WDR59: variants seen among roughly 807,000 people sequenced by gnomAD.
WDR59 encodes WD repeat domain 59.
In WDR59, 100 loss-of-function variants were observed where a neutral mutation model predicts 131.2. That is an observed-to-expected ratio of 0.76 (90% CI 0.65 to 0.90). The LOEUF is 0.90. WDR59 is among the 40% of genes least tolerant of loss of function. WDR59 has a pLI of 0.00. For missense variants in WDR59, 1,203 were observed against 1,262.2 expected (o/e 0.95, Z 0.71); for synonymous variants, 601 against 466.2 (o/e 1.29, Z -3.72).
intron 18 of WDR59, among the ~76,000 whole-genome samples, chr16:74,894,715 C>G (rs1475542307): frequency 1.3e-5 from 2 of 152,134 alleles, no homozygotes; most frequent in Admixed American, 6.5e-5. Context: ...ATCAAGATTT[C>G]CAGGTCTTAC....
intron 6 of WDR59, among the ~76,000 whole-genome samples, chr16:74,944,818 T>C (rs1209195801): frequency 6.6e-6 from 1 of 151,662 alleles, no homozygotes; most frequent in East Asian, 1.9e-4. Context: ...AAAAAAGCAA[T>C]GAGAACAGGC....
intron 9 of WDR59, 52 bp from the exon 10 acceptor site, chr16:74,922,155 G>C: frequency 1.2e-6 from 2 of 1,600,148 alleles, no homozygotes; most frequent in Non-Finnish European, 1.7e-6. Context: ...GGGAGAATCA[G>C]CTGAGTCTTG....
At chr16:74,922,734 C>T (rs529837253) in intron 9 of WDR59, among the ~76,000 whole-genome samples, 1 of 152,318 alleles carries the variant, frequency 6.6e-6, no homozygotes, top group African/African-American at 2.4e-5. Context: ...CATTTATCTT[C>T]ACCGCCCCTC....
intron 7 of WDR59, among the ~76,000 whole-genome samples, chr16:74,941,542 A>T (rs1446805379): frequency 6.7e-6 from 1 of 150,262 alleles, no homozygotes; most frequent in Non-Finnish European, 1.5e-5. Context: ...AAAAATACAA[A>T]AATTAGCTGG....
intron 4 of WDR59, chr16:74,950,067 C>G (rs1433151030): frequency 1.5e-5 from 7 of 468,046 alleles, no homozygotes; most frequent in South Asian, 1.1e-4. Flanking sequence ...CTGGGCTGAG[C>G]GCAGCGGCTC....
chr16:74,979,341 C>T (rs1269474954), intron 1 of WDR59, among the ~76,000 whole-genome samples: 1 of 151,698 alleles, frequency 6.6e-6, no homozygotes, highest in East Asian at 2.0e-4. Context: ...TGGCGGGCGC[C>T]TGTAGTCCCA....
At chr16:74,933,098 TA>T (rs1383863553) in intron 8 of WDR59, among the ~76,000 whole-genome samples, 2 of 152,030 alleles carry the variant, frequency 1.3e-5, no homozygotes, top group African/African-American at 4.8e-5. Context: ...GGAATAAAAT[TA>T]AAATGCCAGC....
intron 8 of WDR59, among the ~76,000 whole-genome samples, chr16:74,935,996 CAAAA>C (rs879688847): frequency 9.4e-6 from 1 of 106,036 alleles, no homozygotes; most frequent in Non-Finnish European, 2.0e-5. Context: ...GACTCCACCT[CAAAA>C]AAAAAAAAAA....
intron 8 of WDR59, 96 bp from the exon 9 acceptor site, chr16:74,924,099 CT>C: frequency 1.7e-6 from 2 of 1,196,604 alleles, no homozygotes; most frequent in Non-Finnish European, 1.2e-6. Context: ...TTCTGGTCCT[CT>C]AAAGATACAC....
At chr16:74,905,147 G>A (rs1241218333) in intron 17 of WDR59, among the ~76,000 whole-genome samples, 9 of 149,892 alleles carry the variant, frequency 6.0e-5, no homozygotes, top group African/African-American at 1.5e-4. Context: ...AGGCCAAGGC[G>A]GGCAGATTAC....
intron 1 of WDR59, among the ~76,000 whole-genome samples, chr16:74,975,660 G>A (rs1438573678): frequency 4.8e-5 from 7 of 145,276 alleles, no homozygotes; most frequent in Non-Finnish European, 7.5e-5. Flanking sequence ...GTGAAACTCC[G>A]TCTCAAAAAA....
intron 20 of WDR59, among the ~76,000 whole-genome samples, chr16:74,890,602 C>G (rs1305199955): frequency 6.6e-6 from 1 of 152,166 alleles, no homozygotes; most frequent in Non-Finnish European, 1.5e-5. Flanking sequence ...AGTATCCTCT[C>G]TGAAGCTAAA....
chr16:74,985,069 T>TCC lies in WDR59; in HGVS notation c.-54_-53dup. ...AGGACGGCGCCCTCCCACCCCGCCG[T>TCC]CCCCAGTATCCCGGGACCGTGCGCC... On this transcript the variant is annotated 5_prime_UTR_variant, in exon 1 of 26. Transcript: ENST00000262144. 6.6e-7 allele frequency: 1 copy of TCC among 1,513,596 alleles called. No individual in the cohort carries two copies. Among genetic ancestry groups the TCC allele is most frequent in the Non-Finnish European group, 9.0e-7 (1 of 1,114,114 alleles). 93.8% of individuals were successfully genotyped at this position (1,513,596 alleles called of 1,614,324 possible).
chr16:74,984,630 T>C, intron 1 of WDR59: 1 of 357,114 alleles, frequency 2.8e-6, no homozygotes, highest in Non-Finnish European at 5.2e-6. Flanking sequence ...GGCTAGGGCC[T>C]CGGGAAGCCG....
At chr16:74,942,369 C>T (rs776353899) in intron 7 of WDR59, among the ~76,000 whole-genome samples, 7 of 152,138 alleles carry the variant, frequency 4.6e-5, no homozygotes, top group South Asian at 2.1e-4. Context: ...AAGAAGCCTG[C>T]TGACAATTCT....
chr16:74,935,692 T>A (rs993077646), intron 8 of WDR59, among the ~76,000 whole-genome samples: 1 of 152,106 alleles, frequency 6.6e-6, no homozygotes, highest in Non-Finnish European at 1.5e-5. Flanking sequence ...CTTTTCTAAG[T>A]TTCTTCACTT....
chr16:74,897,809 C>T (rs755756520), intron 18 of WDR59, among the ~76,000 whole-genome samples: 14 of 152,158 alleles, frequency 9.2e-5, no homozygotes, highest in Middle Eastern at 3.2e-3. Flanking sequence ...CTGTCACTGT[C>T]GGTTTTTTAT....
At chr16:74,926,059 ATT>A (rs35909183) in intron 8 of WDR59, among the ~76,000 whole-genome samples, 1 of 129,194 alleles carries the variant, frequency 7.7e-6, no homozygotes, top group African/African-American at 2.9e-5. Flanking sequence ...AGTCTAATAA[ATT>A]TTTTTTTTTT....
intron 8 of WDR59, 101 bp downstream of exon 8, chr16:74,938,049 T>C: frequency 1.3e-6 from 1 of 764,926 alleles, no homozygotes; most frequent in Non-Finnish European, 2.0e-6. Context: ...GTGAAATACA[T>C]ACTGTGCTAA....
Sources: allele counts gnomAD v4.1 joint callset (sites outside exome capture counted in the v4.1 genomes callset), GRCh38; gene constraint gnomAD v4.1.1; transcripts MANE v1.5; gene names NCBI Gene and HGNC (gene_info 2026-07-23, HGNC 2026-07-21).